Variants in NCAM2 observed in about 807,000 individuals in gnomAD.
The protein encoded by NCAM2 is N-CAM-2.
NCAM2 carries 30 observed loss-of-function variants against 98.1 expected under a neutral mutation model. The observed-to-expected ratio is 0.31, with a 90% CI of 0.23 to 0.41. The LOEUF (loss-of-function observed/expected upper bound fraction) is 0.41, where lower values mean the gene tolerates loss of function less well. NCAM2 is among the 10% of genes least tolerant of loss of function. NCAM2 has a pLI of 1.00. For missense variants in NCAM2, 867 were observed against 1,005.8 expected (o/e 0.86, Z 1.87); for synonymous variants, 368 against 342.4 (o/e 1.07, Z -0.83).
chr21:21,481,684 A>G (rs551193689), intron 15 of NCAM2, among the ~76,000 whole-genome samples: 1 of 152,328 alleles, frequency 6.6e-6, no homozygotes, highest in South Asian at 2.1e-4. Flanking sequence ...ACATACAGGC[A>G]CACAGACAAA....
At chr21:21,519,183 G>GCAA (rs1988877332) in intron 16 of NCAM2, among the ~76,000 whole-genome samples, 1 of 152,052 alleles carries the variant, frequency 6.6e-6, no homozygotes, top group Non-Finnish European at 1.5e-5. Flanking sequence ...CCATCTTCTT[G>GCAA]GGTCAATGAA....
intron 1 of NCAM2, among the ~76,000 whole-genome samples, chr21:21,230,362 A>T (rs1216077827): frequency 6.6e-6 from 1 of 151,146 alleles, no homozygotes; most frequent in African/African-American, 2.4e-5. Context: ...GTTTGATTTT[A>T]ATGTCCTGTA....
intron 16 of NCAM2, among the ~76,000 whole-genome samples, chr21:21,510,760 G>C (rs886541591): frequency 3.4e-5 from 5 of 148,554 alleles, no homozygotes; most frequent in African/African-American, 1.2e-4. Context: ...TGCATTTTTT[G>C]CTAATTGTTT....
chr21:21,054,841 T>C (rs1251648252), intron 1 of NCAM2, among the ~76,000 whole-genome samples: 2 of 152,062 alleles, frequency 1.3e-5, no homozygotes, highest in African/African-American at 4.8e-5. Flanking sequence ...TAGATTCTTT[T>C]CTCTCAGTCC....
intron 15 of NCAM2, among the ~76,000 whole-genome samples, chr21:21,499,998 A>G (rs1287953188): frequency 3.3e-5 from 5 of 152,054 alleles, no homozygotes; most frequent in Non-Finnish European, 7.4e-5. Flanking sequence ...ACATATTTCA[A>G]TATATATTAT....
Position 21,336,198 on chromosome 21 carries a change from A to C in NCAM2, c.898+533A>C, listed in dbSNP as rs182523768. ...TACAGAAATATAATGACGTAGCTTC[A>C]ATTATGTTTACAAGAAGAAAGACAG... On this transcript the variant is annotated intron_variant, in intron 7 of 17. Coordinates refer to ENST00000400546, the MANE Select transcript of NCAM2 (RefSeq NM_004540.5). Among the ~76,000 whole-genome samples, 220 of 152,240 alleles carry C rather than the reference A, an allele frequency of 1.4e-3. 1 individual carries two copies. The highest frequency in any genetic ancestry group is 5.1e-4 in the Non-Finnish European group (35 of 68,008).
intron 9 of NCAM2, among the ~76,000 whole-genome samples, chr21:21,374,244 T>A (rs1182778184): frequency 6.6e-6 from 1 of 151,812 alleles, no homozygotes; most frequent in Non-Finnish European, 1.5e-5. Flanking sequence ...TTCCTGAAAA[T>A]GGTCTTTCTT....
At chr21:21,445,317 G>A (rs1213288371) in intron 12 of NCAM2, among the ~76,000 whole-genome samples, 1 of 152,096 alleles carries the variant, frequency 6.6e-6, no homozygotes, top group Non-Finnish European at 1.5e-5. Context: ...ATGATGATTT[G>A]GGGTGAAGAG....
intron 1 of NCAM2, among the ~76,000 whole-genome samples, chr21:21,132,082 T>C (rs2066947524): frequency 6.6e-6 from 1 of 152,220 alleles, no homozygotes; most frequent in Non-Finnish European, 1.5e-5. Context: ...CCTAATCTTT[T>C]CCAGGTTCTA....
Position 21,338,469 on chromosome 21 carries a change from G to A in NCAM2, c.979G>A (p.Glu327Lys). Reference protein sequence around the residue: ...QVTLVCDAEGEPIPEITWKRA... With the variant: ...QVTLVCDAEGKPIPEITWKRA... ...CACACTCGTATGTGATGCGGAAGGG[G>A]AGCCTATTCCAGAAATCACTTGGAA... The change falls in exon 8 of 18, where the codon GAG becomes AAG. Residue 327 changes from glutamate (E) to lysine (K), a missense_variant. Physicochemically the swap from Glu to Lys is moderately conservative, Grantham distance 56. Transcript: ENST00000400546. 1 of 1,612,854 alleles carries A rather than the reference G, an allele frequency of 6.2e-7. No individual in the cohort carries two copies.
chr21:21,070,508 G>T (rs992572035), intron 1 of NCAM2, among the ~76,000 whole-genome samples: 6 of 151,986 alleles, frequency 3.9e-5, no homozygotes, highest in Non-Finnish European at 7.4e-5. Flanking sequence ...AGAGGAAGAG[G>T]GGGGTGAAAT....
At chr21:21,404,443 A>C (rs930284904) in intron 9 of NCAM2, among the ~76,000 whole-genome samples, 2 of 152,098 alleles carry the variant, frequency 1.3e-5, no homozygotes, top group Non-Finnish European at 2.9e-5. Flanking sequence ...CTTGGCTCTC[A>C]TTCTGTCTTG....
At chr21:21,474,619 A>G (rs1984910933) in intron 14 of NCAM2, among the ~76,000 whole-genome samples, 1 of 151,972 alleles carries the variant, frequency 6.6e-6, no homozygotes, top group Non-Finnish European at 1.5e-5. Context: ...CCACAAAAAT[A>G]TTTACTCACA....
chr21:21,162,477 A>G (rs2067814882), intron 1 of NCAM2, among the ~76,000 whole-genome samples: 1 of 152,174 alleles, frequency 6.6e-6, no homozygotes, highest in Non-Finnish European at 1.5e-5. Context: ...ATACCAGTTT[A>G]GCAAATTACT....
chr21:21,535,474 C>T (rs1031121291), intron 17 of NCAM2, among the ~76,000 whole-genome samples: 3 of 151,976 alleles, frequency 2.0e-5, no homozygotes, highest in Non-Finnish European at 2.9e-5. Context: ...TTAGGTTTCT[C>T]ATCCTAAATC....
At chr21:21,263,016 T>TC (rs1478865139) in intron 1 of NCAM2, among the ~76,000 whole-genome samples, 1 of 152,114 alleles carries the variant, frequency 6.6e-6, no homozygotes, top group Non-Finnish European at 1.5e-5. Flanking sequence ...CATGTGGGAA[T>TC]TCAATATGAG....
At chr21:21,476,636 G>A (rs1985201733) in intron 14 of NCAM2, among the ~76,000 whole-genome samples, 1 of 151,840 alleles carries the variant, frequency 6.6e-6, no homozygotes, top group African/African-American at 2.4e-5. Flanking sequence ...AATGTCATAT[G>A]GTCAAATTTA....
chr21:21,034,251 G>A (rs1014059505), intron 1 of NCAM2, among the ~76,000 whole-genome samples: 2 of 152,066 alleles, frequency 1.3e-5, no homozygotes, highest in Non-Finnish European at 2.9e-5. Flanking sequence ...TATGGTGTAA[G>A]CATACACCAT....
At chr21:21,381,827 A>T (rs1020731731) in intron 9 of NCAM2, among the ~76,000 whole-genome samples, 1 of 152,016 alleles carries the variant, frequency 6.6e-6, no homozygotes, top group Non-Finnish European at 1.5e-5. Flanking sequence ...TTCATTTTTG[A>T]AGATCCCAAT....
Sources: gnomAD v4.1 joint callset for allele counts (sites outside exome capture counted in the v4.1 genomes callset) on GRCh38, gnomAD v4.1.1 for gene constraint, MANE v1.5 for transcripts, NCBI Gene and HGNC (gene_info 2026-07-23, HGNC 2026-07-21) for gene names.